LAMA4: variants seen among roughly 807,000 people sequenced by gnomAD.
The protein encoded by LAMA4 is laminin subunit alpha 4.
LAMA4 carries 127 observed loss-of-function variants against 207.1 expected under a neutral mutation model. The observed-to-expected ratio is 0.61, with a 90% CI of 0.53 to 0.71. The LOEUF (loss-of-function observed/expected upper bound fraction) is 0.71, where lower values mean the gene tolerates loss of function less well. Ranked by LOEUF, LAMA4 falls within the 30% of genes least tolerant of loss-of-function variation. The pLI is 0.00. For synonymous variants in LAMA4, 761 were observed against 816.0 expected (o/e 0.93, Z 1.15); for missense variants, 2,093 against 2,246.5 (o/e 0.93, Z 1.38).
intron 10 of LAMA4, among the ~76,000 whole-genome samples, chr6:112,176,670 A>T (rs1438656327): frequency 1.3e-5 from 2 of 152,234 alleles, no homozygotes; most frequent in Non-Finnish European, 2.9e-5. Context: ...AGCACTTGTG[A>T]TGCTGAATTC....
intron 31 of LAMA4, 97 bp from the exon 32 acceptor site, chr6:112,122,298 T>C: frequency 5.4e-6 from 5 of 922,076 alleles, no homozygotes; most frequent in Non-Finnish European, 8.5e-6. Flanking sequence ...AAAAATTATA[T>C]ATTATTTGTG....
chr6:112,187,633 G>A, intron 7 of LAMA4, 32 bp from the exon 8 acceptor site: 1 of 1,609,830 alleles, frequency 6.2e-7, no homozygotes, highest in South Asian at 1.1e-5. Flanking sequence ...AGAATCACAA[G>A]TCAAAAGCAT....
Position 112,128,986 on chromosome 6 carries a change from G to A in LAMA4, c.4223C>T (p.Pro1408Leu), listed in dbSNP as rs148968696. Reference protein sequence around the residue: ...SLYECPIESSPLFLLHKKGKN... With the variant: ...SLYECPIESSLLFLLHKKGKN... ...TCCTTTTTTATGGAGGAGAAACAAT[G>A]GTGAAGACTCAATGGGACACTCATA... is the stretch of plus-strand genomic sequence containing the variant. Residue 1408 changes from proline to leucine, a missense_variant, in exon 31 of 39, where the codon CCA (proline) becomes CTA (leucine). Physicochemically the swap from Pro to Leu is moderately conservative, Grantham distance 98. Coordinates refer to ENST00000230538, the MANE Select transcript of LAMA4 (RefSeq NM_001105206.3). The A allele has an allele frequency of 1.2e-5, 19 of 1,612,636 alleles. 1 individual carries two copies. Among genetic ancestry groups the A allele is most frequent in the Non-Finnish European group, 1.6e-5 (19 of 1,178,898 alleles).
intron 2 of LAMA4, chr6:112,218,387 A>C (rs1784747847): frequency 6.6e-6 from 1 of 152,238 alleles, no homozygotes; most frequent in Admixed American, 6.5e-5. Context: ...AAAGCTCCCC[A>C]AAGACTCTGA....
In LAMA4 at chr6:112,133,612, T is replaced by G. The variant is rs1187393643; in HGVS notation, c.3558-125A>C. The stretch of plus-strand genomic sequence containing the variant: ...GGCTTTATAATCATTCATATTCTCA[T>G]GCTTTCTTTGATAGGCACACAGCAA... On this transcript the variant is annotated intron_variant, in intron 26 of 38. Coordinates refer to ENST00000230538, the MANE Select transcript of LAMA4 (RefSeq NM_001105206.3). The G allele has an allele frequency of 3.3e-6, 4 of 1,209,822 alleles. No homozygotes were observed. In the African/African-American group the frequency reaches 6.0e-5, roughly 18 times the overall value. 74.9% of individuals were successfully genotyped at this position (1,209,822 alleles called of 1,614,324 possible).
chr6:112,211,920 G>A (rs1324911062), intron 3 of LAMA4, among the ~76,000 whole-genome samples: 1 of 152,196 alleles, frequency 6.6e-6, no homozygotes, highest in African/African-American at 2.4e-5. Context: ...AGAGGAAGGA[G>A]AGTCTGGAGC....
In LAMA4 at chr6:112,139,792, T is replaced by C; in HGVS notation, c.3070A>G (p.Ile1024Val). ...DVISLYNFKH[I>V]YNMDPSTSVP... ...GATGTGGAGGGGTCCATATTATAGA[T>C]GTGCTTAAAGTTGTACAAGCTGATC... Residue 1024 changes from isoleucine to valine, a missense_variant, in exon 23 of 39, where the codon ATC becomes GTC. By Grantham distance (29) the Ile-to-Val change is conservative (BLOSUM62 3). Around this residue, in one of 3 missense-constraint regions of LAMA4, gnomAD observed 1,704 missense variants for 1,788.4 expected, o/e 0.95. Transcript: ENST00000230538. The C allele has an allele frequency of 1.2e-6, 2 of 1,614,104 alleles. No individual in the cohort carries two copies. The highest frequency in any genetic ancestry group is 1.7e-6 in the Non-Finnish European group (2 of 1,179,960).
At position 112,254,506 on chromosome 6, in the gene LAMA4, T is replaced by G; in HGVS notation, c.-189A>C. On this transcript the variant is annotated 5_prime_UTR_variant, in exon 1 of 39. Coordinates refer to ENST00000230538, the MANE Select transcript of LAMA4 (RefSeq NM_001105206.3). ...GGATTGGGGTGAGCCCCGCCAGCGC[T>G]AGGCCACCTCCTCTCCCTGGCCGTT... is the stretch of plus-strand genomic sequence containing the variant. The G allele has an allele frequency of 2.7e-6, 1 of 370,260 alleles. No homozygotes were observed. The highest frequency in any genetic ancestry group is 5.1e-6 in the Non-Finnish European group (1 of 194,196). The allele number at this position is 370,260 out of a possible 1,614,324, so 22.9% of individuals were successfully genotyped here. A position where few individuals can be genotyped will look rare whatever the true frequency, so the allele number is the denominator to read the frequency against.
intron 9 of LAMA4, chr6:112,179,031 C>T (rs1176098244): frequency 2.0e-5 from 3 of 152,206 alleles, no homozygotes; most frequent in Admixed American, 2.0e-4. Flanking sequence ...TCTCACTGGC[C>T]TAACATGCTG....
chr6:112,137,427 A>G (rs1779419592), intron 24 of LAMA4, among the ~76,000 whole-genome samples: 1 of 152,216 alleles, frequency 6.6e-6, no homozygotes, highest in Admixed American at 6.5e-5. Flanking sequence ...AAAAATCTAA[A>G]ATAGAGAAAG....
intron 31 of LAMA4, 41 bp from the exon 32 acceptor site, chr6:112,122,242 T>C: frequency 2.7e-6 from 4 of 1,505,190 alleles, no homozygotes; most frequent in Non-Finnish European, 3.7e-6. Context: ...AGTGACATAC[T>C]AGCAGCAAAA....
Position 112,109,343 on chromosome 6 carries a change from A to G in LAMA4, c.*94T>C. 1.5e-6 allele frequency: 2 copies of G among 1,357,414 alleles called. No individual in the cohort carries two copies. Among genetic ancestry groups the G allele is most frequent in the Non-Finnish European group, 2.1e-6 (2 of 960,630 alleles). 84.1% of individuals were successfully genotyped at this position (1,357,414 alleles called of 1,614,324 possible). A position where few individuals can be genotyped will look rare whatever the true frequency, so the allele number is the denominator to read the frequency against. On this transcript the variant is annotated 3_prime_UTR_variant, in exon 39 of 39. Coordinates refer to ENST00000230538, the MANE Select transcript of LAMA4 (RefSeq NM_001105206.3). Reference sequence around the variant, plus strand: ...CCTGTTCAACTCGATGAAAGCTTCCACCCGAAGGAAGAGTTACTGTTCCTC... The same window carrying G: ...CCTGTTCAACTCGATGAAAGCTTCCGCCCGAAGGAAGAGTTACTGTTCCTC...
chr6:112,181,407 A>G (rs1352487292), intron 9 of LAMA4, among the ~76,000 whole-genome samples: 1 of 152,148 alleles, frequency 6.6e-6, no homozygotes, highest in Non-Finnish European at 1.5e-5. Context: ...GGTTCTTCAC[A>G]ATTGGGCCTC....
intron 15 of LAMA4, among the ~76,000 whole-genome samples, 171 bp from the exon 16 acceptor site, chr6:112,155,118 G>A (rs919889447): frequency 1.4e-4 from 22 of 152,104 alleles, no homozygotes; most frequent in African/African-American, 5.3e-4. Flanking sequence ...AGGAAGTAAT[G>A]CCTTTGGCAT....
chr6:112,142,629 A>C (rs1209120647), intron 19 of LAMA4, among the ~76,000 whole-genome samples: 6 of 152,224 alleles, frequency 3.9e-5, no homozygotes, highest in Non-Finnish European at 8.8e-5. Context: ...AGGCTCATAC[A>C]ATTTATACAA....
At chr6:112,246,625 A>G (rs781949830) in intron 2 of LAMA4, among the ~76,000 whole-genome samples, 3 of 151,596 alleles carry the variant, frequency 2.0e-5, no homozygotes, top group Non-Finnish European at 2.9e-5. Context: ...AGTTCAAGGA[A>G]TTCTCTGCTT....
At chr6:112,202,423 T>G in intron 4 of LAMA4, among the ~76,000 whole-genome samples, 1 of 126,736 alleles carries the variant, frequency 7.9e-6, no homozygotes, top group South Asian at 2.4e-4. Flanking sequence ...CATAGACACA[T>G]GAATTGTGTG....
At chr6:112,145,849 C>T (rs1779993725) in intron 18 of LAMA4, among the ~76,000 whole-genome samples, 1 of 152,102 alleles carries the variant, frequency 6.6e-6, no homozygotes, top group Non-Finnish European at 1.5e-5. Context: ...GTTCCTTTAA[C>T]CATATAGCAC....
At chr6:112,157,131 C>T (rs1554337206) in intron 14 of LAMA4, among the ~76,000 whole-genome samples, 1 of 152,144 alleles carries the variant, frequency 6.6e-6, no homozygotes, top group Non-Finnish European at 1.5e-5. Flanking sequence ...CTGTTCCTCC[C>T]CACAACCCCT....
Sources: gnomAD v4.1 joint callset for allele counts (sites outside exome capture counted in the v4.1 genomes callset) on GRCh38, gnomAD v4.1.1 for gene constraint, gnomAD v4.1.1 regional missense constraint, MANE v1.5 for transcripts, NCBI Gene and HGNC (gene_info 2026-07-23, HGNC 2026-07-21) for gene names.